The following VAV2 variants were observed in gnomAD, a reference collection of about 807,000 sequenced individuals.
VAV2 encodes the protein guanine nucleotide exchange factor VAV2.
Under a neutral mutation model 132.5 loss-of-function variants are expected in VAV2, and 67 were observed. The ratio of observed to expected loss-of-function variants is 0.51; its 90% CI spans 0.42 to 0.62. VAV2 has a LOEUF of 0.62. VAV2 is among the 20% of genes least tolerant of loss of function. VAV2 has a pLI of 0.00. For missense variants in VAV2, 938 were observed against 1,153.6 expected (o/e 0.81, Z 2.71); for synonymous variants, 492 against 443.5 (o/e 1.11, Z -1.37).
rs551480342 is a variant in VAV2 at position 133,895,928 on chromosome 9, C to CTTT, written c.322-34499_322-34497dup. ...TCTTAATTGGCAGCCACACTAAAATCTTTTTTTTTTTTTTTTTTTTTAATT... is the reference window on the plus strand; with the variant it reads ...TCTTAATTGGCAGCCACACTAAAATCTTTTTTTTTTTTTTTTTTTTTTTTAATT... On this transcript the variant is annotated intron_variant, in intron 2 of 29. Coordinates refer to ENST00000371850, the MANE Select transcript of VAV2 (RefSeq NM_001134398.2). Among the ~76,000 whole-genome samples the CTTT allele has an allele frequency of 3.5e-5, 4 of 115,212 alleles. 1 individual carries two copies. The highest frequency in any genetic ancestry group is 1.0e-4 in the African/African-American group (3 of 29,490). 75.6% of individuals were successfully genotyped at this position (115,212 alleles called of 152,430 possible). A position where few individuals can be genotyped will look rare whatever the true frequency, so the allele number is the denominator to read the frequency against.
intron 18 of VAV2, among the ~76,000 whole-genome samples, chr9:133,784,109 G>C (rs1323757680): frequency 2.6e-5 from 4 of 152,130 alleles, no homozygotes. Context: ...TGAACTACTG[G>C]GCTCAAGCGA....
At chr9:133,976,249 C>G (rs1842506224) in intron 1 of VAV2, among the ~76,000 whole-genome samples, 1 of 152,256 alleles carries the variant, frequency 6.6e-6, no homozygotes, top group South Asian at 2.1e-4. Flanking sequence ...GGTCATCCTC[C>G]CACAAGGGGA....
At chr9:133,923,747 T>G (rs1005864772) in intron 2 of VAV2, among the ~76,000 whole-genome samples, 1 of 152,158 alleles carries the variant, frequency 6.6e-6, no homozygotes, top group African/African-American at 2.4e-5. Context: ...AACCCAAATG[T>G]CCACCAATGA....
At chr9:133,847,154 C>T (rs954713999) in intron 3 of VAV2, among the ~76,000 whole-genome samples, 9 of 152,206 alleles carry the variant, frequency 5.9e-5, no homozygotes, top group Non-Finnish European at 1.3e-4. Context: ...TCCTGGGATA[C>T]CTGTTCCATC....
At chr9:133,937,145 T>C (rs1172789378) in intron 2 of VAV2, among the ~76,000 whole-genome samples, 2 of 152,366 alleles carry the variant, frequency 1.3e-5, no homozygotes, top group East Asian at 1.9e-4. Flanking sequence ...TTTTTCTCTT[T>C]ACAGTTATCA....
At position 133,802,173 on chromosome 9, in the gene VAV2, A is replaced by G. The variant is rs1834953032; in HGVS notation, c.836+3908T>C. On this transcript the variant is annotated intron_variant, in intron 9 of 29. Coordinates refer to ENST00000371850, the MANE Select transcript of VAV2 (RefSeq NM_001134398.2). The surrounding 1 kb of genome is among the most constrained non-coding windows in gnomAD (Gnocchi z 5.8). ...GACTCCAAGCCTATTGGAGGAAGTC[A>G]GTTAAGGAGGCAAAAGTTTACAGGC... Among the ~76,000 whole-genome samples, 1 of 152,204 alleles carries G rather than the reference A, an allele frequency of 6.6e-6. No individual in the cohort carries two copies. The highest frequency in any genetic ancestry group is 6.5e-5 in the Admixed American group (1 of 15,286).
rs1835049989 is a variant in VAV2 at position 133,804,256 on chromosome 9, G to A, written c.836+1825C>T. Among the ~76,000 whole-genome samples the A allele has an allele frequency of 6.6e-6, 1 of 152,194 alleles. No homozygotes were observed. Among genetic ancestry groups the A allele is most frequent in the African/African-American group, 2.4e-5 (1 of 41,456 alleles). On this transcript the variant is annotated intron_variant, in intron 9 of 29. Coordinates refer to ENST00000371850, the MANE Select transcript of VAV2 (RefSeq NM_001134398.2). This position sits in a 1 kb window ranked among gnomAD's most constrained non-coding sequence, Gnocchi z 4.5. ...GACAGAACCACGATGATTTGGTGAT[G>A]AGCTCTGATGAAACGCTGACAGCCC...
chr9:133,784,016 G>A (rs1834119468), intron 18 of VAV2, among the ~76,000 whole-genome samples: 2 of 152,056 alleles, frequency 1.3e-5, no homozygotes, highest in South Asian at 4.2e-4. Context: ...GAGTAGCTGG[G>A]GCCACAGGAG....
At chr9:133,873,658 CA>C (rs751932177) in intron 2 of VAV2, among the ~76,000 whole-genome samples, 3 of 152,234 alleles carry the variant, frequency 2.0e-5, no homozygotes, top group Non-Finnish European at 4.4e-5. Flanking sequence ...CTGCATGAGG[CA>C]GCTGCATCAG....
At chr9:133,985,976 T>C (rs1368287642) in intron 1 of VAV2, among the ~76,000 whole-genome samples, 1 of 148,978 alleles carries the variant, frequency 6.7e-6, no homozygotes, top group Non-Finnish European at 1.5e-5. Flanking sequence ...CAGAGATGGA[T>C]GAGAAGAAAA....
intron 1 of VAV2, among the ~76,000 whole-genome samples, chr9:133,959,781 G>A (rs1432241532): frequency 6.6e-6 from 1 of 152,194 alleles, no homozygotes; most frequent in Non-Finnish European, 1.5e-5. Flanking sequence ...AGAGGCACAG[G>A]GATGAGGCCC....
chr9:133,959,011 G>A (rs928177357), intron 1 of VAV2, among the ~76,000 whole-genome samples: 1 of 151,064 alleles, frequency 6.6e-6, no homozygotes, highest in Admixed American at 6.6e-5. Context: ...GAGAGGTGCC[G>A]AGAAACAGCA....
rs550107954 is a variant in VAV2 at position 133,826,436 on chromosome 9, G to C, written c.449+7836C>G. On this transcript the variant is annotated intron_variant, in intron 4 of 29. Transcript: ENST00000371850. The surrounding 1 kb of genome is among the most constrained non-coding windows in gnomAD (Gnocchi z 4.2). Reference sequence around the variant, plus strand: ...CTCTGGGGAGAAGCCAGGAGGACACGCGGTTCCTGACAGAGCCTGGCTGTG... The same window carrying C: ...CTCTGGGGAGAAGCCAGGAGGACACCCGGTTCCTGACAGAGCCTGGCTGTG... Among the ~76,000 whole-genome samples, 1 of 152,214 alleles carries C rather than the reference G, an allele frequency of 6.6e-6. No homozygotes were observed. The highest frequency in any genetic ancestry group is 1.5e-5 in the Non-Finnish European group (1 of 68,036).
At chr9:133,773,611 T>C (rs1833711927) in intron 25 of VAV2, among the ~76,000 whole-genome samples, 1 of 61,242 alleles carries the variant, frequency 1.6e-5, no homozygotes, top group African/African-American at 5.2e-5. Flanking sequence ...AGATATTTTA[T>C]TCTTTGTATC....
rs545102844 is a variant in VAV2, at chr9:133,897,732, G to A, written c.322-36300C>T. Among the ~76,000 whole-genome samples, 78 of 152,232 alleles carry A rather than the reference G, an allele frequency of 5.1e-4. 2 individuals are homozygous for A. Among genetic ancestry groups the A allele is most frequent in the African/African-American group, 1.5e-3 (63 of 41,490 alleles). On this transcript the variant is annotated intron_variant, in intron 2 of 29. Transcript: ENST00000371850. The stretch of plus-strand genomic sequence containing the variant: ...AGGCCAAATATGGAATTTCCAAGTC[G>A]CCTAAGGTCAAGATAATGCCAGACC...
intron 12 of VAV2, among the ~76,000 whole-genome samples, chr9:133,793,822 G>A (rs1200574781): frequency 3.9e-5 from 6 of 152,166 alleles, no homozygotes; most frequent in African/African-American, 1.4e-4. Flanking sequence ...GCCGTACAAG[G>A]AGTGAGCCCT....
intron 3 of VAV2, among the ~76,000 whole-genome samples, chr9:133,853,091 C>T (rs964655850): frequency 1.3e-5 from 2 of 152,188 alleles, no homozygotes; most frequent in African/African-American, 4.8e-5. Flanking sequence ...GCCAGCCACT[C>T]GGCTGTCAGG....
Position 133,851,888 on chromosome 9 carries a change from C to T in VAV2, c.380+9486G>A, listed in dbSNP as rs3003586. Among the ~76,000 whole-genome samples the T allele has an allele frequency of 2.8e-5, 3 of 106,798 alleles. No homozygotes were observed. In the East Asian group the frequency reaches 8.1e-4, roughly 29 times the overall value. The allele number at this position is 106,798 out of a possible 152,430, so 70.1% of individuals were successfully genotyped here. A position where few individuals can be genotyped will look rare whatever the true frequency, so the allele number is the denominator to read the frequency against. The stretch of plus-strand genomic sequence containing the variant: ...AGGTGGGTGAATAAATGGATGGATG[C>T]ATGGATGGATGGATGGATGGGTGGA... On this transcript the variant is annotated intron_variant, in intron 3 of 29. Transcript: ENST00000371850.
intron 3 of VAV2, among the ~76,000 whole-genome samples, chr9:133,859,386 G>C (rs1015833020): frequency 2.6e-5 from 4 of 152,204 alleles, no homozygotes; most frequent in Non-Finnish European, 5.9e-5. Flanking sequence ...CGGCAGGAGA[G>C]GGGATAGGGC....
Sources: allele counts gnomAD v4.1 joint callset (sites outside exome capture counted in the v4.1 genomes callset), GRCh38; gene constraint gnomAD v4.1.1; non-coding constraint Gnocchi (gnomAD v3.1); transcripts MANE v1.5; gene names NCBI Gene and HGNC (gene_info 2026-07-23, HGNC 2026-07-21).